The following HADHA variants were observed in gnomAD, a reference collection of about 807,000 sequenced individuals.
HADHA encodes the protein hydroxyacyl-CoA dehydrogenase trifunctional multienzyme complex subunit alpha.
HADHA carries 59 observed loss-of-function variants against 91.3 expected under a neutral mutation model. That is an observed-to-expected ratio of 0.65 (90% CI 0.52 to 0.80). The LOEUF is 0.80. HADHA is among the 30% of genes least tolerant of loss of function. HADHA has a pLI of 0.00. For missense variants in HADHA, 800 were observed against 927.6 expected (o/e 0.86, Z 1.79); for synonymous variants, 320 against 338.9 (o/e 0.94, Z 0.61).
At chr2:26,236,380 CTGTGTGTGTGTGTGTGTGTGTGTG>C (rs201544302) in intron 4 of HADHA, among the ~76,000 whole-genome samples, 2 of 111,086 alleles carry the variant, frequency 1.8e-5, no homozygotes, top group African/African-American at 7.1e-5. Flanking sequence ...TATATATACT[CTGTGTGTGTGTGTGTGTGTGTGTG>C]TGTGTGTGTG....
Position 26,195,185 on chromosome 2 carries a change from C to T in HADHA, c.1527G>A (p.Leu509=). Reference sequence around the variant, plus strand: ...AAGTTTTCTCGGTCGTGATAATCTCCAGCAGCTGCATCTTGTCCACGGGAG... The same window carrying T: ...AAGTTTTCTCGGTCGTGATAATCTCTAGCAGCTGCATCTTGTCCACGGGAG... ...YFSPVDKMQL[L]EIITTEKTSK... The change falls in exon 15 of 20, where the codon CTG becomes CTA. Residue 509 remains leucine (L), a synonymous_variant. Transcript: ENST00000380649. The T allele has an allele frequency of 6.2e-7, 1 of 1,612,328 alleles. No homozygotes were observed. Among genetic ancestry groups the T allele is most frequent in the South Asian group, 1.1e-5 (1 of 91,020 alleles).
chr2:26,195,223 T>C lies in HADHA; in HGVS notation c.1489A>G (p.Met497Val). The C allele has an allele frequency of 6.2e-7, 1 of 1,613,318 alleles. No individual in the cohort carries two copies. Among genetic ancestry groups the C allele is most frequent in the East Asian group, 2.2e-5 (1 of 44,880 alleles). ...VSKRPEKVIG[M>V]HYFSPVDKMQ... is the part of the protein sequence containing the mutation. ...TTGTCCACGGGAGAGAAGTAGTGCA[T>C]GCCAATCACCTGGCAAGGGGAACCA... The change falls in exon 15 of 20, where the codon ATG becomes GTG. Residue 497 changes from methionine to valine, a missense_variant. By Grantham distance (21) the Met-to-Val change is conservative (BLOSUM62 1). Transcript: ENST00000380649.
At chr2:26,224,047 G>A (rs184188712) in intron 7 of HADHA, among the ~76,000 whole-genome samples, 52 of 152,206 alleles carry the variant, frequency 3.4e-4, no homozygotes, top group African/African-American at 9.6e-4. Flanking sequence ...GCACCTGGCC[G>A]GAATGGGAAA....
rs1348406105 is a variant in HADHA at position 26,193,450 on chromosome 2, G to A, written c.1885+127C>T. 6.0e-6 allele frequency: 5 copies of A among 837,036 alleles called. No individual in the cohort carries two copies. Among genetic ancestry groups the A allele is most frequent in the Admixed American group, 1.7e-5 (1 of 57,320 alleles). The allele number at this position is 837,036 out of a possible 1,614,324, so 51.9% of individuals were successfully genotyped here. On this transcript the variant is annotated intron_variant, in intron 17 of 19. Transcript: ENST00000380649. ...GACTCATAAAATCATTTTTGAAATC[G>A]CCAGTGATAAGGGCTCTGTGTTTAG... is the stretch of plus-strand genomic sequence containing the variant.
chr2:26,197,863 GCCCAGCCCACTCTGTCCC>G, intron 13 of HADHA, 86 bp from the exon 14 acceptor site: 1 of 779,400 alleles, frequency 1.3e-6, no homozygotes, highest in Non-Finnish European at 2.4e-6. Flanking sequence ...TGACACCTGG[GCCCAGCCCACTCTGTCCC>G]CCACAACTGC....
At chr2:26,231,658 A>C (rs922695409) in intron 6 of HADHA, among the ~76,000 whole-genome samples, 1 of 152,088 alleles carries the variant, frequency 6.6e-6, no homozygotes, top group African/African-American at 2.4e-5. Context: ...CTAACAAAGG[A>C]CCTTGATCAA....
chr2:26,209,925 T>C (rs758711759), intron 10 of HADHA, 36 bp from the exon 11 acceptor site: 2 of 1,071,594 alleles, frequency 1.9e-6, no homozygotes, highest in East Asian at 2.4e-5. Flanking sequence ...AGGTAGAACT[T>C]CACAGTCTAG....
chr2:26,241,058 T>A (rs966874796), intron 1 of HADHA, among the ~76,000 whole-genome samples: 1 of 152,232 alleles, frequency 6.6e-6, no homozygotes, highest in African/African-American at 2.4e-5. Context: ...GAGCTTACCC[T>A]ATGGCAGCTG....
Position 26,191,261 on chromosome 2 carries a change from A to ACTT in HADHA, c.2278_2280dup (p.Lys760dup). 3 of 1,612,492 alleles carry ACTT rather than the reference A, an allele frequency of 1.9e-6. No individual in the cohort carries two copies. Among genetic ancestry groups the ACTT allele is most frequent in the Non-Finnish European group, 2.5e-6 (3 of 1,179,986 alleles). On this transcript the variant is annotated inframe_insertion, in exon 20 of 20. Transcript: ENST00000380649. ...GGCATGAGGCCTGCTCACTGGTAGA[A>ACTT]CTTCTTGTTAGGGCTGTTAGCATGG...
intron 7 of HADHA, among the ~76,000 whole-genome samples, chr2:26,227,409 C>T (rs955633807): frequency 1.3e-4 from 19 of 151,546 alleles, no homozygotes; most frequent in South Asian, 4.1e-4. Context: ...CTACTTGGGA[C>T]GCTGAGGCAG....
At chr2:26,196,974 A>G (rs1377757402) in intron 14 of HADHA, among the ~76,000 whole-genome samples, 2 of 152,256 alleles carry the variant, frequency 1.3e-5, no homozygotes, top group Non-Finnish European at 1.5e-5. Context: ...ATTACCTTGC[A>G]TTAGCAAGCT....
chr2:26,195,022 A>G, intron 15 of HADHA, 70 bp downstream of exon 15: 1 of 1,241,056 alleles, frequency 8.1e-7, no homozygotes, highest in African/African-American at 1.5e-5. Flanking sequence ...TTTATAAACA[A>G]GCCTGGAGGT....
chr2:26,244,618 G>A lies in HADHA; in HGVS notation c.-22C>T. The A allele has an allele frequency of 1.3e-6, 2 of 1,565,498 alleles. No homozygotes were observed. Among genetic ancestry groups the A allele is most frequent in the East Asian group, 2.4e-5 (1 of 41,980 alleles). ...CCATCTTGAGCTGAAGAGGACAGCA[G>A]TGGAGAGCGCCTCTAACGGGTGCGG... is the stretch of plus-strand genomic sequence containing the variant. On this transcript the variant is annotated 5_prime_UTR_variant, in exon 1 of 20. Coordinates refer to ENST00000380649, the MANE Select transcript of HADHA (RefSeq NM_000182.5).
At position 26,228,157 on chromosome 2, in the gene HADHA, G is replaced by A. The variant is rs144551049; in HGVS notation, c.676+2035C>T. ...AGACTTTTTTTTTTTTTGAGACAGA[G>A]TCTCGCTCTGTCACCCAGGCTGGAG... On this transcript the variant is annotated intron_variant, in intron 7 of 19. Coordinates refer to ENST00000380649, the MANE Select transcript of HADHA (RefSeq NM_000182.5). 3.0e-3 allele frequency among the ~76,000 whole-genome samples: 443 copies of A among 149,868 alleles called. 4 individuals are homozygous for A. The highest frequency in any genetic ancestry group is 0.011 in the African/African-American group (428 of 40,598).
chr2:26,234,371 A>T lies in HADHA; in HGVS notation c.315-16T>A. ...GGCTAACATGCTGCATTATCCATAAAAGTAGAGAACAGAGAAAAAGATAAA... is the reference window on the plus strand; with the variant it reads ...GGCTAACATGCTGCATTATCCATAATAGTAGAGAACAGAGAAAAAGATAAA... On this transcript the variant is annotated splice_polypyrimidine_tract_variant and intron_variant, in intron 4 of 19. Coordinates refer to ENST00000380649, the MANE Select transcript of HADHA (RefSeq NM_000182.5). 6.2e-7 allele frequency: 1 copy of T among 1,608,770 alleles called. No individual in the cohort carries two copies. The highest frequency in any genetic ancestry group is 8.5e-7 in the Non-Finnish European group (1 of 1,175,136).
rs2147768564 is a variant in HADHA, at chr2:26,212,636, A to G, written c.919-10T>C. 5 of 1,578,792 alleles carry G rather than the reference A, an allele frequency of 3.2e-6. No individual in the cohort carries two copies. Among genetic ancestry groups the G allele is most frequent in the South Asian group, 2.2e-5 (2 of 90,406 alleles). On this transcript the variant is annotated splice_polypyrimidine_tract_variant and intron_variant, in intron 9 of 19. Transcript: ENST00000380649. ...TTCCAGTCTTTACCACCTAAAAAAC[A>G]TATAAAGCACTTGCTCAGCGTTGGA... is the stretch of plus-strand genomic sequence containing the variant.
At chr2:26,191,689 G>A (rs1443328698) in intron 18 of HADHA, 61 bp from the exon 19 acceptor site, 20 of 1,554,990 alleles carry the variant, frequency 1.3e-5, no homozygotes, top group East Asian at 2.2e-5. Context: ...AGCCAGAGCC[G>A]CAGATGCAGA....
At chr2:26,230,091 G>A in intron 7 of HADHA, 101 bp downstream of exon 7, 1 of 748,704 alleles carries the variant, frequency 1.3e-6, no homozygotes, top group South Asian at 1.4e-5. Flanking sequence ...CCAAAGTGCT[G>A]GGATTACAGG....
At chr2:26,203,986 C>T in intron 12 of HADHA, 76 bp downstream of exon 12, 3 of 1,445,532 alleles carry the variant, frequency 2.1e-6, no homozygotes, top group Non-Finnish European at 2.9e-6. Context: ...AAAAAACCCA[C>T]CAAGCCACCA....
Sources: allele counts gnomAD v4.1 joint callset (sites outside exome capture counted in the v4.1 genomes callset), GRCh38; gene constraint gnomAD v4.1.1; transcripts MANE v1.5; gene names NCBI Gene and HGNC (gene_info 2026-07-23, HGNC 2026-07-21).